Variants in ZFHX3 observed in about 807,000 individuals in gnomAD.
The protein encoded by ZFHX3 is zinc finger homeobox 3, also known as zinc finger homeobox protein 3.
A neutral mutation model predicts 279.1 loss-of-function variants in ZFHX3; 42 were observed. The ratio of observed to expected loss-of-function variants is 0.15; its 90% CI spans 0.12 to 0.19. The LOEUF is 0.19. ZFHX3 is among the 10% of genes least tolerant of loss of function. The pLI, the probability that ZFHX3 is intolerant of heterozygous loss-of-function variation, is 1.00. For synonymous variants in ZFHX3, 2,293 were observed against 1,957.8 expected (o/e 1.17, Z -4.52); for missense variants, 4,981 against 4,754.0 (o/e 1.05, Z -1.40).
At chr16:73,198,532 T>TC (rs11430021) in intron 5 of ZFHX3, among the ~76,000 whole-genome samples, 151,745 of 152,318 alleles carry the variant, frequency 1, 75,593 homozygotes, top group Middle Eastern at 1. Flanking sequence ...CTTTCGTTGA[T>TC]TATCGAGAAA....
intron 3 of ZFHX3, chr16:73,420,230 G>C (rs1462096026): frequency 6.6e-6 from 1 of 152,098 alleles, no homozygotes; most frequent in African/African-American, 2.4e-5. Context: ...AAATACTTGA[G>C]GTAATAAATA....
intron 5 of ZFHX3, among the ~76,000 whole-genome samples, chr16:72,828,455 C>G (rs1331122882): frequency 6.6e-6 from 1 of 152,206 alleles, no homozygotes; most frequent in Non-Finnish European, 1.5e-5. Context: ...TTCTCCTTCT[C>G]TCAACACCAG....
At chr16:73,561,773 G>A (rs1027956884) in intron 2 of ZFHX3, among the ~76,000 whole-genome samples, 6 of 151,932 alleles carry the variant, frequency 3.9e-5, no homozygotes, top group Non-Finnish European at 5.9e-5. Flanking sequence ...CAAAACTGCC[G>A]AGTTCTATGA....
intron 3 of ZFHX3, among the ~76,000 whole-genome samples, chr16:73,345,927 A>C (rs190469857): frequency 7.8e-4 from 118 of 152,074 alleles, no homozygotes; most frequent in African/African-American, 2.4e-3. Flanking sequence ...AATTTAGAAC[A>C]TGTTGGTTCT....
intron 3 of ZFHX3, among the ~76,000 whole-genome samples, chr16:73,425,019 T>C (rs2017787108): frequency 6.6e-6 from 1 of 152,174 alleles, no homozygotes; most frequent in Non-Finnish European, 1.5e-5. Flanking sequence ...GCGTCTTGCC[T>C]GTCCCCACCC....
chr16:73,621,574 C>T (rs1017030707), intron 2 of ZFHX3, among the ~76,000 whole-genome samples: 1 of 152,094 alleles, frequency 6.6e-6, no homozygotes, highest in African/African-American at 2.4e-5. Flanking sequence ...TCCTGGCTAG[C>T]ACAGCATCGG....
chr16:73,208,163 C>T (rs2011876479), intron 5 of ZFHX3, among the ~76,000 whole-genome samples: 1 of 152,058 alleles, frequency 6.6e-6, no homozygotes, highest in Non-Finnish European at 1.5e-5. Flanking sequence ...TATGTCTGCC[C>T]CAAAACGTTC....
chr16:73,504,518 A>G (rs2019290648), intron 2 of ZFHX3: 1 of 152,324 alleles, frequency 6.6e-6, no homozygotes. Context: ...GAAGAAGTAG[A>G]CAATTATCAA....
chr16:73,103,065 C>A (rs1025362407), intron 7 of ZFHX3, among the ~76,000 whole-genome samples: 1 of 152,130 alleles, frequency 6.6e-6, no homozygotes, highest in Non-Finnish European at 1.5e-5. Context: ...GCTGGGATTA[C>A]AGGCACCTGC....
intron 7 of ZFHX3, among the ~76,000 whole-genome samples, chr16:73,106,028 T>G (rs894541794): frequency 6.8e-6 from 1 of 147,390 alleles, no homozygotes; most frequent in East Asian, 2.1e-4. Context: ...CTCTCCGCCA[T>G]GCAAAACACA....
At chr16:73,755,418 A>G (rs1347135972) in intron 1 of ZFHX3, among the ~76,000 whole-genome samples, 1 of 152,228 alleles carries the variant, frequency 6.6e-6, no homozygotes, top group Non-Finnish European at 1.5e-5. Context: ...TCCAGTTTTA[A>G]TTATATCAAT....
At chr16:73,391,448 T>C (rs938327153) in intron 3 of ZFHX3, among the ~76,000 whole-genome samples, 1 of 90,158 alleles carries the variant, frequency 1.1e-5, no homozygotes, top group African/African-American at 3.9e-5. Flanking sequence ...TAAAACTCTG[T>C]CTCAAAAAAA....
intron 8 of ZFHX3, among the ~76,000 whole-genome samples, chr16:73,069,778 C>T (rs1432368346): frequency 3.9e-5 from 6 of 152,220 alleles, no homozygotes; most frequent in Admixed American, 2.0e-4. Flanking sequence ...CCACTTCCCA[C>T]GGGCTTTGGC....
At chr16:73,273,263 T>C (rs527326601) in intron 4 of ZFHX3, among the ~76,000 whole-genome samples, 8 of 152,216 alleles carry the variant, frequency 5.3e-5, no homozygotes, top group African/African-American at 1.7e-4. Flanking sequence ...TATGGATCAT[T>C]TGAAAAACAT....
intron 2 of ZFHX3, chr16:73,609,171 T>C (rs2052220332): frequency 6.6e-6 from 1 of 152,100 alleles, no homozygotes; most frequent in Non-Finnish European, 1.5e-5. Context: ...ATCCCTGACT[T>C]AACGCCATTT....
intron 1 of ZFHX3, among the ~76,000 whole-genome samples, chr16:73,690,836 C>T (rs1207642734): frequency 2.6e-5 from 4 of 152,160 alleles, no homozygotes; most frequent in Admixed American, 1.3e-4. Flanking sequence ...ACCATCTGCT[C>T]GCACTCCACC....
intron 1 of ZFHX3, among the ~76,000 whole-genome samples, chr16:72,999,974 T>C (rs1963435349): frequency 6.6e-6 from 1 of 152,136 alleles, no homozygotes; most frequent in African/African-American, 2.4e-5. Flanking sequence ...GCTTGTCGCT[T>C]TGGCTGCAGG....
intron 3 of ZFHX3, among the ~76,000 whole-genome samples, chr16:73,366,403 TG>T: frequency 6.6e-6 from 1 of 151,956 alleles, no homozygotes; most frequent in Non-Finnish European, 1.5e-5. Context: ...TGCTCTATTT[TG>T]ATTCCTAAGT....
At chr16:73,669,320 C>G (rs2052878568) in intron 2 of ZFHX3, among the ~76,000 whole-genome samples, 1 of 152,216 alleles carries the variant, frequency 6.6e-6, no homozygotes, top group Non-Finnish European at 1.5e-5. Context: ...TCCCAAAGTG[C>G]TGGGATTACA....
Sources: gnomAD v4.1 joint callset for allele counts (sites outside exome capture counted in the v4.1 genomes callset) on GRCh38, gnomAD v4.1.1 for gene constraint, MANE v1.5 for transcripts, NCBI Gene and HGNC (gene_info 2026-07-23, HGNC 2026-07-21) for gene names.